Variants in AIMP2 observed in about 807,000 individuals in gnomAD.
AIMP2 encodes the protein aminoacyl tRNA synthase complex-interacting multifunctional protein 2.
AIMP2 carries 20 observed loss-of-function variants against 23.4 expected under a neutral mutation model. The observed-to-expected ratio is 0.85, with a 90% CI of 0.60 to 1.24. AIMP2 has a LOEUF of 1.24. AIMP2 is among the 50% of genes most tolerant of loss of function. The pLI, the probability that AIMP2 is intolerant of heterozygous loss-of-function variation, is 0.00. For synonymous variants in AIMP2, 210 were observed against 170.4 expected, an observed-to-expected ratio of 1.23 and a Z score of -1.81; for missense variants, 515 against 414.5, an observed-to-expected ratio of 1.24 and a Z score of -2.10.
intron 1 of AIMP2, chr7:6,013,008 A>G (rs75786790): frequency 8.3e-6 from 3 of 360,168 alleles, no homozygotes; most frequent in South Asian, 1.1e-4. Flanking sequence ...TTAAGCAAAC[A>G]AGAGAAGAAG....
At chr7:6,019,883 G>A (rs1434201744) in intron 3 of AIMP2, among the ~76,000 whole-genome samples, 12 of 151,518 alleles carry the variant, frequency 7.9e-5, no homozygotes, top group Admixed American at 2.0e-4. Flanking sequence ...TTAGCTGGGC[G>A]TGGTGGTGCG....
chr7:6,023,569 C>G lies in AIMP2; in HGVS notation c.841C>G (p.Leu281Val), dbSNP rs1368842334. ...GNELTVADVVLWSVLQQIGGC... is the reference protein window; with the variant it reads ...GNELTVADVVVWSVLQQIGGC... ...TGAACTCACCGTAGCAGACGTGGTG[C>G]TGTGGTCTGTACTCCAGCAGATCGG... The change falls in exon 4 of 4, where the codon CTG (leucine) becomes GTG (valine). Residue 281 changes from leucine (L) to valine (V), a missense_variant. Transcript: ENST00000223029. The G allele has an allele frequency of 6.2e-7, 1 of 1,614,206 alleles. No individual in the cohort carries two copies. Among genetic ancestry groups the G allele is most frequent in the Admixed American group, 1.7e-5 (1 of 60,016 alleles).
At chr7:6,010,744 C>T (rs1253355218) in intron 1 of AIMP2, among the ~76,000 whole-genome samples, 5 of 151,850 alleles carry the variant, frequency 3.3e-5, no homozygotes, top group Admixed American at 6.6e-5. Context: ...CCACCGTGCC[C>T]GGCCCCTAAA....
intron 1 of AIMP2, among the ~76,000 whole-genome samples, chr7:6,013,411 ACAC>A (rs931498320): frequency 1.4e-5 from 2 of 141,918 alleles, no homozygotes; most frequent in African/African-American, 5.0e-5. Context: ...ACAGGCACCC[ACAC>A]CACACCTGGC....
chr7:6,010,428 A>T (rs1219165718), intron 1 of AIMP2, among the ~76,000 whole-genome samples: 2 of 142,222 alleles, frequency 1.4e-5, no homozygotes, highest in East Asian at 4.5e-4. Context: ...TTATCCCTAA[A>T]CAATATAGTC....
In AIMP2 at chr7:6,013,481, G is replaced by T. The variant is rs145478456; in HGVS notation, c.136-1665G>T. On this transcript the variant is annotated intron_variant, in intron 1 of 3. Transcript: ENST00000223029. ...TCACCATGTTGGCCAGGCTGGTCTC[G>T]AACTCCTGACCTCAGGTGATCTGCC... 8.6e-5 allele frequency among the ~76,000 whole-genome samples: 13 copies of T among 152,042 alleles called. No individual in the cohort carries two copies. The East Asian group carries it at 2.5e-3, about 29-fold the overall frequency.
chr7:6,021,171 T>C lies in AIMP2; in HGVS notation c.575-2132T>C, dbSNP rs1479176777. 7.9e-5 allele frequency among the ~76,000 whole-genome samples: 12 copies of C among 151,914 alleles called. 2 individuals are homozygous for C. Among genetic ancestry groups the C allele is most frequent in the Admixed American group, 7.9e-4 (12 of 15,222 alleles). On this transcript the variant is annotated intron_variant, in intron 3 of 3. Coordinates refer to ENST00000223029, the MANE Select transcript of AIMP2 (RefSeq NM_006303.4). ...TCATTACACACAGTACTCTATGAAATTGTCAGTGCTATGAAAGAGAACCCT... is the reference window on the plus strand; with the variant it reads ...TCATTACACACAGTACTCTATGAAACTGTCAGTGCTATGAAAGAGAACCCT...
In AIMP2 at chr7:6,009,518, CG is replaced by C; in HGVS notation, c.135+21del. 1 of 1,457,524 alleles carries C rather than the reference CG, an allele frequency of 6.9e-7. No individual in the cohort carries two copies. Among genetic ancestry groups the C allele is most frequent in the Non-Finnish European group, 9.0e-7 (1 of 1,111,258 alleles). 90.3% of individuals were successfully genotyped at this position (1,457,524 alleles called of 1,614,324 possible). On this transcript the variant is annotated intron_variant, in intron 1 of 3. Transcript: ENST00000223029. ...GTGCAGGTAGGAGCGCGGGGCCCCC[CG>C]CCCAGTGCGCACGCGCGGCGACCGG...
At chr7:6,010,072 T>C (rs1313699924) in intron 1 of AIMP2, among the ~76,000 whole-genome samples, 9 of 147,664 alleles carry the variant, frequency 6.1e-5, no homozygotes, top group African/African-American at 2.2e-4. Context: ...GGAGGATCAA[T>C]TGAATCCCAA....
chr7:6,022,323 C>G (rs950687661), intron 3 of AIMP2: 4 of 152,180 alleles, frequency 2.6e-5, no homozygotes, highest in African/African-American at 9.7e-5. Flanking sequence ...ACGTGTTAAT[C>G]AACTGTGATG....
At chr7:6,013,763 CAT>C (rs1001903891) in intron 1 of AIMP2, among the ~76,000 whole-genome samples, 3 of 152,018 alleles carry the variant, frequency 2.0e-5, no homozygotes, top group Non-Finnish European at 2.9e-5. Flanking sequence ...GCCTGAGCAA[CAT>C]AGCGCAGTTC....
At chr7:6,010,150 A>G (rs1786534733) in intron 1 of AIMP2, among the ~76,000 whole-genome samples, 1 of 151,116 alleles carries the variant, frequency 6.6e-6, no homozygotes. Flanking sequence ...TTTAATTAAA[A>G]TACAAATCTG....
At chr7:6,014,410 A>G (rs527925356) in intron 1 of AIMP2, among the ~76,000 whole-genome samples, 81 of 151,858 alleles carry the variant, frequency 5.3e-4, no homozygotes, top group African/African-American at 1.7e-3. Flanking sequence ...GGCATGCACT[A>G]CCACACCTGG....
chr7:6,009,971 A>G (rs1309386075), intron 1 of AIMP2, among the ~76,000 whole-genome samples: 2 of 91,606 alleles, frequency 2.2e-5, no homozygotes, highest in Non-Finnish European at 4.5e-5. Context: ...AAAAAAAAAA[A>G]AAAATATATA....
chr7:6,009,974 A>AAAAAAAAAATATATATATATATAT, intron 1 of AIMP2, among the ~76,000 whole-genome samples: 1 of 26,672 alleles, frequency 3.7e-5, no homozygotes, highest in African/African-American at 1.4e-4. Flanking sequence ...AAAAAAAAAA[A>AAAAAAAAAATATATATATATATAT]ATATATATAT....
In AIMP2 at chr7:6,015,235, C is replaced by T; in HGVS notation, c.225C>T (p.Gly75=). 6.2e-7 allele frequency: 1 copy of T among 1,614,156 alleles called. No individual in the cohort carries two copies. The highest frequency in any genetic ancestry group is 1.1e-5 in the South Asian group (1 of 91,088). Residue 75 remains glycine, a synonymous_variant, in exon 2 of 4, where the codon GGC becomes GGT. Coordinates refer to ENST00000223029, the MANE Select transcript of AIMP2 (RefSeq NM_006303.4). Reference sequence around the variant, plus strand: ...ATGAGTTGAAAGCTGCAGTTGATGGCCTCTCCAAGATGATTCAAACACCAG... The same window carrying T: ...ATGAGTTGAAAGCTGCAGTTGATGGTCTCTCCAAGATGATTCAAACACCAG... The part of the protein sequence containing the change: ...RLYELKAAVD[G]LSKMIQTPDA...
At chr7:6,010,484 C>CT (rs1313293752) in intron 1 of AIMP2, among the ~76,000 whole-genome samples, 3 of 151,356 alleles carry the variant, frequency 2.0e-5, no homozygotes, top group South Asian at 4.2e-4. Flanking sequence ...GAGTCTCACT[C>CT]TATCACCCAG....
At chr7:6,017,482 C>A (rs1241609357) in intron 2 of AIMP2, among the ~76,000 whole-genome samples, 3 of 150,702 alleles carry the variant, frequency 2.0e-5, no homozygotes, top group African/African-American at 4.9e-5. Flanking sequence ...AGAGATCATC[C>A]ACTGTACTCC....
chr7:6,017,785 A>G, intron 2 of AIMP2, 29 bp from the exon 3 acceptor site: 1 of 1,593,650 alleles, frequency 6.3e-7, no homozygotes, highest in Non-Finnish European at 8.6e-7. Context: ...GATGACTGTT[A>G]TTCGTACATT....
Sources: gnomAD v4.1 joint callset for allele counts (sites outside exome capture counted in the v4.1 genomes callset) on GRCh38, gnomAD v4.1.1 for gene constraint, MANE v1.5 for transcripts, NCBI Gene and HGNC (gene_info 2026-07-23, HGNC 2026-07-21) for gene names.